GPHN: variants seen among roughly 807,000 people sequenced by gnomAD.
GPHN encodes the protein gephyrin.
GPHN carries 17 observed loss-of-function variants against 95.5 expected under a neutral mutation model. The ratio of observed to expected loss-of-function variants is 0.18; its 90% CI spans 0.12 to 0.27. The LOEUF is 0.27. GPHN is among the 10% of genes least tolerant of loss of function. The pLI is 1.00. For synonymous variants in GPHN, 320 were observed against 322.5 expected (o/e 0.99, Z 0.08); for missense variants, 660 against 978.1 (o/e 0.67, Z 4.34).
chr14:67,719,220 A>C, the GPHN span, among the ~76,000 whole-genome samples: 1 of 152,252 alleles, frequency 6.6e-6, no homozygotes, highest in Non-Finnish European at 1.5e-5. Context: ...GTAAAAACAA[A>C]TCAGCAGAGC....
At chr14:67,419,032 T>C in the GPHN span, among the ~76,000 whole-genome samples, 1 of 152,166 alleles carries the variant, frequency 6.6e-6, no homozygotes, top group African/African-American at 2.4e-5. Context: ...GGCAGATGTC[T>C]CAGGGCCATC....
chr14:66,812,206 A>G (rs1055156777), intron 3 of GPHN, among the ~76,000 whole-genome samples: 2 of 152,208 alleles, frequency 1.3e-5, no homozygotes, highest in Non-Finnish European at 2.9e-5. Flanking sequence ...AGCTGGGTAG[A>G]CTACAAACAG....
At chr14:67,381,478 G>A in the GPHN span, 1 of 726,134 alleles carries the variant, frequency 1.4e-6, no homozygotes, top group Non-Finnish European at 2.3e-6. Context: ...GTATAGAGAG[G>A]TTGGATTCAG....
chr14:67,543,153 C>A, the GPHN span, among the ~76,000 whole-genome samples: 209 of 152,280 alleles, frequency 1.4e-3, no homozygotes, highest in Non-Finnish European at 2.4e-3. Context: ...TTAGCAAACC[C>A]TTCTTTCATA....
intron 9 of GPHN, among the ~76,000 whole-genome samples, chr14:67,022,241 C>T (rs993701446): frequency 6.6e-6 from 1 of 152,020 alleles, no homozygotes. Flanking sequence ...GCAGAACATT[C>T]TGCATTTACA....
chr14:67,366,081 C>CT, the GPHN span, among the ~76,000 whole-genome samples: 546 of 141,006 alleles, frequency 3.9e-3, no homozygotes, highest in Middle Eastern at 0.011. Flanking sequence ...TAATCTTGTA[C>CT]TTTTTTTTTT....
rs201852288 is a variant in GPHN, at chr14:66,965,364, A to T, written c.963+39A>T. 882 of 1,591,008 alleles carry T rather than the reference A, an allele frequency of 5.5e-4. 4 individuals are homozygous for T. Among genetic ancestry groups the T allele is most frequent in the Non-Finnish European group, 3.0e-4 (351 of 1,159,224 alleles). On this transcript the variant is annotated intron_variant, in intron 9 of 22. Coordinates refer to ENST00000478722, the MANE Select transcript of GPHN (RefSeq NM_020806.5). The stretch of plus-strand genomic sequence containing the variant: ...CTTCGCATCTTACACCTGCTCTTCT[A>T]TAGTAATCTGGGAAAACTAACCAAT...
intron 1 of GPHN, among the ~76,000 whole-genome samples, chr14:66,555,943 T>A (rs981440348): frequency 3.9e-5 from 6 of 152,174 alleles, no homozygotes; most frequent in African/African-American, 1.4e-4. Context: ...TCATCATTGT[T>A]TGAACATCAT....
intron 1 of GPHN, among the ~76,000 whole-genome samples, chr14:66,631,038 TTTTTTG>T (rs899559338): frequency 1.2e-4 from 18 of 152,094 alleles, no homozygotes; most frequent in African/African-American, 4.3e-4. Flanking sequence ...GTCGTTCTTT[TTTTTTG>T]TTTTTGTTTT....
At chr14:66,592,028 G>A (rs908624959) in intron 1 of GPHN, among the ~76,000 whole-genome samples, 14 of 152,032 alleles carry the variant, frequency 9.2e-5, no homozygotes, top group Admixed American at 7.9e-4. Context: ...CTTATCTTTG[G>A]CAAACTTGAC....
chr14:66,580,105 C>T (rs1176749913), intron 1 of GPHN, among the ~76,000 whole-genome samples: 2 of 151,730 alleles, frequency 1.3e-5, no homozygotes, highest in Non-Finnish European at 3.0e-5. Flanking sequence ...AATTAAACAA[C>T]ATGCTTCTCA....
At chr14:66,829,653 A>C (rs1596051615) in intron 4 of GPHN, among the ~76,000 whole-genome samples, 1 of 152,234 alleles carries the variant, frequency 6.6e-6, no homozygotes, top group African/African-American at 2.4e-5. Context: ...CTTTTAGAGC[A>C]CTAAGCTGTA....
chr14:66,599,229 G>A (rs540990156), intron 1 of GPHN, among the ~76,000 whole-genome samples: 37 of 151,948 alleles, frequency 2.4e-4, no homozygotes, highest in African/African-American at 8.0e-4. Context: ...TAGGAAACAC[G>A]CATTTTTGGA....
chr14:67,012,655 T>G lies in GPHN; in HGVS notation c.964-10978T>G, dbSNP rs181227989. 4.1e-4 allele frequency among the ~76,000 whole-genome samples: 62 copies of G among 152,284 alleles called. 7 individuals are homozygous for G. Among genetic ancestry groups the G allele is most frequent in the East Asian group, 2.9e-3 (15 of 5,182 alleles). On this transcript the variant is annotated intron_variant, in intron 9 of 22. Transcript: ENST00000478722. Reference sequence around the variant, plus strand: ...TTACCAGAAAAACATGTATTTGTCCTTTATACAATGTTGGATATGATAACA... The same window carrying G: ...TTACCAGAAAAACATGTATTTGTCCGTTATACAATGTTGGATATGATAACA...
At chr14:67,302,122 AGT>A in the GPHN span, 2 of 1,598,070 alleles carry the variant, frequency 1.3e-6, no homozygotes, top group Non-Finnish European at 1.7e-6. Flanking sequence ...TCCGTTGGTA[AGT>A]GTCCCACATA....
intron 8 of GPHN, among the ~76,000 whole-genome samples, chr14:66,959,840 T>G (rs549274486): frequency 4.5e-4 from 68 of 152,182 alleles, no homozygotes; most frequent in African/African-American, 1.5e-3. Flanking sequence ...CTCCTCTCCT[T>G]CTGGGACCAC....
At chr14:66,652,201 C>T (rs965131809) in intron 1 of GPHN, among the ~76,000 whole-genome samples, 2 of 152,096 alleles carry the variant, frequency 1.3e-5, no homozygotes, top group Non-Finnish European at 2.9e-5. Flanking sequence ...ATATGCCAAA[C>T]ATTGTGGTTA....
chr14:67,246,795 G>A, the GPHN span, among the ~76,000 whole-genome samples: 3 of 151,698 alleles, frequency 2.0e-5, no homozygotes, highest in African/African-American at 4.8e-5. Context: ...GGGATTATAA[G>A]CGCGCACCAC....
At chr14:67,612,735 G>A in the GPHN span, among the ~76,000 whole-genome samples, 1 of 152,106 alleles carries the variant, frequency 6.6e-6, no homozygotes, top group Non-Finnish European at 1.5e-5. Context: ...CCAGGAGTTC[G>A]AAACCAGCCT....
Sources: allele counts gnomAD v4.1 joint callset (sites outside exome capture counted in the v4.1 genomes callset), GRCh38; gene constraint gnomAD v4.1.1; transcripts MANE v1.5; gene names NCBI Gene and HGNC (gene_info 2026-07-23, HGNC 2026-07-21).